HS6ST3: variants seen among roughly 807,000 people sequenced by gnomAD.
HS6ST3 encodes the protein heparan-sulfate 6-O-sulfotransferase 3.
HS6ST3 carries 12 observed loss-of-function variants against 36.7 expected under a neutral mutation model. The ratio of observed to expected loss-of-function variants is 0.33; its 90% confidence interval spans 0.21 to 0.53. The LOEUF (loss-of-function observed/expected upper bound fraction) is 0.53, where lower values mean the gene tolerates loss of function less well. HS6ST3 is among the 20% of genes least tolerant of loss of function. The pLI is 0.95. For synonymous variants in HS6ST3, 240 were observed against 257.5 expected (o/e 0.93, Z 0.65); for missense variants, 584 against 640.9 (o/e 0.91, Z 0.96).
chr13:96,759,066 C>G (rs1479239073), intron 1 of HS6ST3, among the ~76,000 whole-genome samples: 2 of 151,688 alleles, frequency 1.3e-5, no homozygotes, highest in African/African-American at 4.8e-5. Flanking sequence ...TAACATGACT[C>G]TATTTCTTGT....
intron 1 of HS6ST3, among the ~76,000 whole-genome samples, chr13:96,325,070 A>T (rs574749875): frequency 6.6e-6 from 1 of 152,350 alleles, no homozygotes; most frequent in South Asian, 2.1e-4. Flanking sequence ...CTTACTCACC[A>T]GTAAAACCAT....
chr13:96,323,712 G>A (rs1041735063), intron 1 of HS6ST3, among the ~76,000 whole-genome samples: 1 of 152,106 alleles, frequency 6.6e-6, no homozygotes, highest in East Asian at 1.9e-4. Context: ...CCTATTTAAA[G>A]TTGCAATCTG....
At chr13:96,653,399 C>T (rs1023668119) in intron 1 of HS6ST3, among the ~76,000 whole-genome samples, 2 of 151,984 alleles carry the variant, frequency 1.3e-5, no homozygotes, top group Non-Finnish European at 2.9e-5. Flanking sequence ...GTGTTGTTCC[C>T]CTCCTTGTGT....
chr13:96,568,890 G>A (rs1242644573), intron 1 of HS6ST3, among the ~76,000 whole-genome samples: 1 of 152,086 alleles, frequency 6.6e-6, no homozygotes, highest in Non-Finnish European at 1.5e-5. Flanking sequence ...AGCTAAGTGT[G>A]GCCTGTGATA....
At chr13:96,511,118 A>G (rs996255420) in intron 1 of HS6ST3, among the ~76,000 whole-genome samples, 11 of 152,134 alleles carry the variant, frequency 7.2e-5, no homozygotes, top group African/African-American at 2.7e-4. Flanking sequence ...ATGCATGGTC[A>G]CCTTACCCAC....
At chr13:96,331,724 C>G (rs935214330) in intron 1 of HS6ST3, among the ~76,000 whole-genome samples, 30 of 152,276 alleles carry the variant, frequency 2.0e-4, no homozygotes, top group East Asian at 9.7e-4. Context: ...TGGAGCTTCC[C>G]GGCTGCTTTG....
At chr13:96,783,067 G>A (rs1002001152) in intron 1 of HS6ST3, among the ~76,000 whole-genome samples, 1 of 152,150 alleles carries the variant, frequency 6.6e-6, no homozygotes, top group Admixed American at 6.6e-5. Flanking sequence ...GCAAAATAGA[G>A]CACATTGTTT....
At chr13:96,117,646 A>G (rs2053899969) in intron 1 of HS6ST3, among the ~76,000 whole-genome samples, 1 of 152,226 alleles carries the variant, frequency 6.6e-6, no homozygotes, top group African/African-American at 2.4e-5. Flanking sequence ...CCAAAAAATA[A>G]GGCAGGCAAG....
At chr13:96,651,052 C>G (rs2056605583) in intron 1 of HS6ST3, among the ~76,000 whole-genome samples, 1 of 152,000 alleles carries the variant, frequency 6.6e-6, no homozygotes, top group African/African-American at 2.4e-5. Context: ...TTAATACCTC[C>G]CTATTGGCTA....
chr13:96,472,555 TG>T (rs1676650771), intron 1 of HS6ST3, among the ~76,000 whole-genome samples: 1 of 152,194 alleles, frequency 6.6e-6, no homozygotes, highest in Admixed American at 6.5e-5. Flanking sequence ...CTGTGCTTCT[TG>T]GCATCTTGTG....
intron 1 of HS6ST3, among the ~76,000 whole-genome samples, chr13:96,638,548 T>C (rs560044517): frequency 6.6e-6 from 1 of 152,072 alleles, no homozygotes; most frequent in Non-Finnish European, 1.5e-5. Flanking sequence ...ATGGGGGCAG[T>C]TACCCCTATG....
chr13:96,239,525 C>G (rs949579445), intron 1 of HS6ST3, among the ~76,000 whole-genome samples: 1 of 152,146 alleles, frequency 6.6e-6, no homozygotes, highest in Non-Finnish European at 1.5e-5. Context: ...GTATTCTAAG[C>G]AAATACAATG....
intron 1 of HS6ST3, among the ~76,000 whole-genome samples, chr13:96,330,592 C>G (rs1274625610): frequency 6.6e-6 from 1 of 151,882 alleles, no homozygotes; most frequent in Non-Finnish European, 1.5e-5. Context: ...GTAACCCGAC[C>G]TTTCTCTCTG....
chr13:96,430,285 G>T (rs2139474042), intron 1 of HS6ST3, among the ~76,000 whole-genome samples: 1 of 152,166 alleles, frequency 6.6e-6, no homozygotes, highest in Middle Eastern at 3.4e-3. Context: ...ACCAGTTTGG[G>T]GAATACAAAT....
At chr13:96,297,219 T>A (rs1182769854) in intron 1 of HS6ST3, among the ~76,000 whole-genome samples, 3 of 152,158 alleles carry the variant, frequency 2.0e-5, no homozygotes, top group East Asian at 3.9e-4. Context: ...AATACATAAG[T>A]CTTTATAATG....
At chr13:96,456,269 C>T (rs184793703) in intron 1 of HS6ST3, among the ~76,000 whole-genome samples, 3 of 152,230 alleles carry the variant, frequency 2.0e-5, no homozygotes, top group East Asian at 3.9e-4. Flanking sequence ...GCTGTATAAT[C>T]TGCATCTTGA....
intron 1 of HS6ST3, among the ~76,000 whole-genome samples, chr13:96,289,341 T>C (rs544773498): frequency 3.3e-4 from 50 of 152,216 alleles, no homozygotes; most frequent in Non-Finnish European, 6.0e-4. Flanking sequence ...CAAAACATAC[T>C]GTAAAACAAC....
At chr13:96,714,158 TA>T (rs1875636860) in intron 1 of HS6ST3, among the ~76,000 whole-genome samples, 1 of 152,030 alleles carries the variant, frequency 6.6e-6, no homozygotes, top group Non-Finnish European at 1.5e-5. Context: ...CTCCAAACCT[TA>T]AAAGAAAACA....
chr13:96,545,788 A>G (rs914538176), intron 1 of HS6ST3, among the ~76,000 whole-genome samples: 1 of 152,176 alleles, frequency 6.6e-6, no homozygotes, highest in Non-Finnish European at 1.5e-5. Context: ...GGAAAATCCG[A>G]TAGCTACTTC....
Sources: gnomAD v4.1 joint callset for allele counts (sites outside exome capture counted in the v4.1 genomes callset) on GRCh38, gnomAD v4.1.1 for gene constraint, MANE v1.5 for transcripts, NCBI Gene and HGNC (gene_info 2026-07-23, HGNC 2026-07-21) for gene names.